Variants in MSRA observed in about 807,000 individuals in gnomAD.
The protein encoded by MSRA is mitochondrial peptide methionine sulfoxide reductase.
MSRA carries 54 observed loss-of-function variants against 31.3 expected under a neutral mutation model. That is an observed-to-expected ratio of 1.73 (90% confidence interval 1.39 to 2.17). The LOEUF is 2.17. Ranked by LOEUF, MSRA falls within the 30% of genes most tolerant of loss-of-function variation. The pLI, the probability that MSRA is intolerant of heterozygous loss-of-function variation, is 0.00. For synonymous variants in MSRA, 169 were observed against 116.5 expected (o/e 1.45, Z -2.90); for missense variants, 507 against 300.9 (o/e 1.69, Z -5.07).
At chr8:10,406,205 G>C (rs1034338096) in intron 5 of MSRA, among the ~76,000 whole-genome samples, 1 of 152,232 alleles carries the variant, frequency 6.6e-6, no homozygotes, top group Non-Finnish European at 1.5e-5. Flanking sequence ...CAGTGGTCTC[G>C]CAGAAAGTCT....
chr8:10,362,779 T>C (rs1280277821), intron 5 of MSRA, among the ~76,000 whole-genome samples: 1 of 152,046 alleles, frequency 6.6e-6, no homozygotes, highest in African/African-American at 2.4e-5. Context: ...TGGCCGTTAG[T>C]CCCTGCCTTT....
chr8:10,319,873 G>A lies in MSRA; in HGVS notation c.437-10G>A. On this transcript the variant is annotated splice_polypyrimidine_tract_variant and intron_variant, in intron 4 of 5. Coordinates refer to ENST00000317173, the MANE Select transcript of MSRA (RefSeq NM_012331.5). Reference sequence around the variant, plus strand: ...GACCGGGTAACCCTCCCTGTTTTCTGCTTTCCTAGGTATGCGCCAGGGGAA... The same window carrying A: ...GACCGGGTAACCCTCCCTGTTTTCTACTTTCCTAGGTATGCGCCAGGGGAA... 2 of 1,503,382 alleles carry A rather than the reference G, an allele frequency of 1.3e-6. No individual in the cohort carries two copies. The highest frequency in any genetic ancestry group is 2.5e-5 in the East Asian group (1 of 40,698). The allele number at this position is 1,503,382 out of a possible 1,614,324, so 93.1% of individuals were successfully genotyped here. A position where few individuals can be genotyped will look rare whatever the true frequency, so the allele number is the denominator to read the frequency against.
intron 1 of MSRA, among the ~76,000 whole-genome samples, chr8:10,138,778 T>G (rs1288979108): frequency 6.6e-6 from 1 of 152,192 alleles, no homozygotes; most frequent in African/African-American, 2.4e-5. Context: ...TCCCCTTATC[T>G]TAGTACAACT....
intron 5 of MSRA, among the ~76,000 whole-genome samples, chr8:10,339,044 T>C (rs1330895337): frequency 2.0e-5 from 3 of 152,218 alleles, no homozygotes; most frequent in Non-Finnish European, 4.4e-5. Context: ...TCTTTTCCAT[T>C]TTTTAATTCA....
At chr8:10,418,875 T>C (rs773084718) in intron 5 of MSRA, among the ~76,000 whole-genome samples, 9 of 141,456 alleles carry the variant, frequency 6.4e-5, no homozygotes, top group Non-Finnish European at 1.2e-4. Context: ...GGAGAACCAC[T>C]TGAGCCTGAG....
At chr8:10,210,260 T>A (rs1266781138) in intron 2 of MSRA, among the ~76,000 whole-genome samples, 1 of 152,206 alleles carries the variant, frequency 6.6e-6, no homozygotes, top group Non-Finnish European at 1.5e-5. Flanking sequence ...CAGAGCCACT[T>A]GGCCAAGGAG....
At chr8:10,054,700 G>C (rs370696069) in intron 1 of MSRA, 42 bp downstream of exon 1, 3 of 1,472,632 alleles carry the variant, frequency 2.0e-6, no homozygotes, top group Non-Finnish European at 2.7e-6. Context: ...GCGACGCTGC[G>C]CATGCGCGCC....
chr8:10,085,588 GTCCATATTGAGGTA>G (rs1458417674), intron 1 of MSRA, among the ~76,000 whole-genome samples: 1 of 152,106 alleles, frequency 6.6e-6, no homozygotes, highest in Non-Finnish European at 1.5e-5. Context: ...TCTGTTATGT[GTCCATATTGAGGTA>G]TCATTTATGT....
chr8:10,163,889 G>T (rs1458033784), intron 1 of MSRA, among the ~76,000 whole-genome samples: 1 of 152,220 alleles, frequency 6.6e-6, no homozygotes, highest in African/African-American at 2.4e-5. Flanking sequence ...ATTGTCGGCT[G>T]TTGCTGGCCC....
chr8:10,380,669 T>A (rs1437603212), intron 5 of MSRA, among the ~76,000 whole-genome samples: 1 of 152,196 alleles, frequency 6.6e-6, no homozygotes, highest in East Asian at 1.9e-4. Context: ...GTAGTATGCT[T>A]GGCGCACAAT....
chr8:10,370,309 C>G (rs1805404721), intron 5 of MSRA, among the ~76,000 whole-genome samples: 3 of 152,210 alleles, frequency 2.0e-5, no homozygotes, highest in African/African-American at 4.8e-5. Flanking sequence ...TTCCATGCTT[C>G]TCCCACTACC....
At chr8:10,274,229 A>T (rs1335954526) in intron 3 of MSRA, among the ~76,000 whole-genome samples, 1 of 152,194 alleles carries the variant, frequency 6.6e-6, no homozygotes, top group Admixed American at 6.5e-5. Flanking sequence ...TAAATTCCAG[A>T]CAGTATGTAA....
chr8:10,205,076 A>G (rs17151325), intron 1 of MSRA, among the ~76,000 whole-genome samples: 3,815 of 152,246 alleles, frequency 0.025, 163 homozygotes, highest in African/African-American at 0.085. Flanking sequence ...GGCCATGCCA[A>G]AGAGCTTTGA....
chr8:10,397,245 A>G (rs538104796), intron 5 of MSRA, among the ~76,000 whole-genome samples: 4 of 152,348 alleles, frequency 2.6e-5, no homozygotes, highest in African/African-American at 9.6e-5. Context: ...AGAGGTATGA[A>G]CAAACCAGTG....
rs550539458 is a variant in MSRA, at chr8:10,230,674, G to A, written c.212-14430G>A. 1.2e-4 allele frequency among the ~76,000 whole-genome samples: 19 copies of A among 152,230 alleles called. No individual in the cohort carries two copies. In the East Asian group the frequency reaches 3.5e-3, roughly 28 times the overall value. On this transcript the variant is annotated intron_variant, in intron 2 of 5. Coordinates refer to ENST00000317173, the MANE Select transcript of MSRA (RefSeq NM_012331.5). Reference sequence around the variant, plus strand: ...AATACATACTTCTTATAGAAATTTGGAATAAACTGAAGAGCAAAAAGAAGA... The same window carrying A: ...AATACATACTTCTTATAGAAATTTGAAATAAACTGAAGAGCAAAAAGAAGA...
intron 1 of MSRA, among the ~76,000 whole-genome samples, chr8:10,122,517 G>C (rs1585197994): frequency 6.6e-6 from 1 of 151,558 alleles, no homozygotes; most frequent in Admixed American, 6.6e-5. Flanking sequence ...TGAGGCAGTG[G>C]AAGTATTTTT....
In MSRA at chr8:10,245,351, G is replaced by C. The variant is rs1390083746; in HGVS notation, c.331+128G>C. 6.8e-6 allele frequency: 6 copies of C among 886,254 alleles called. No individual in the cohort carries two copies. The African/African-American group carries it at 6.8e-5, about 10-fold the overall frequency. The allele number at this position is 886,254 out of a possible 1,614,324, so 54.9% of individuals were successfully genotyped here. A position where few individuals can be genotyped will look rare whatever the true frequency, so the allele number is the denominator to read the frequency against. On this transcript the variant is annotated intron_variant, in intron 3 of 5. Coordinates refer to ENST00000317173, the MANE Select transcript of MSRA (RefSeq NM_012331.5). ...AATGTTTCTTCAATCTTTATTATTT[G>C]TATATATATACTTGTGAGCTTCTCA...
At chr8:10,190,562 G>C (rs1807423775) in intron 1 of MSRA, among the ~76,000 whole-genome samples, 1 of 152,216 alleles carries the variant, frequency 6.6e-6, no homozygotes, top group Admixed American at 6.5e-5. Flanking sequence ...CCTTCTCCAA[G>C]ACATCTGAGT....
At chr8:10,329,542 T>C (rs1802571559) in intron 5 of MSRA, among the ~76,000 whole-genome samples, 1 of 152,206 alleles carries the variant, frequency 6.6e-6, no homozygotes, top group African/African-American at 2.4e-5. Context: ...ATCTGTGAAA[T>C]CTGTGCCATA....
Sources: gnomAD v4.1 joint callset for allele counts (sites outside exome capture counted in the v4.1 genomes callset) on GRCh38, gnomAD v4.1.1 for gene constraint, MANE v1.5 for transcripts, NCBI Gene and HGNC (gene_info 2026-07-23, HGNC 2026-07-21) for gene names.